CTNNA2: variants seen among roughly 807,000 people sequenced by gnomAD.
The protein encoded by CTNNA2 is catenin alpha-2.
Under a neutral mutation model 101.0 loss-of-function variants are expected in CTNNA2, and 42 were observed. That is an observed-to-expected ratio of 0.42 (90% CI 0.32 to 0.54). The LOEUF is 0.54. Ranked by LOEUF, CTNNA2 falls within the 20% of genes least tolerant of loss-of-function variation. The pLI, the probability that CTNNA2 is intolerant of heterozygous loss-of-function variation, is 0.14. For missense variants in CTNNA2, 871 were observed against 1,223.1 expected (o/e 0.71, Z 4.29); for synonymous variants, 450 against 456.4 (o/e 0.99, Z 0.18).
intron 7 of CTNNA2, among the ~76,000 whole-genome samples, chr2:80,203,238 C>G (rs1477233289): frequency 1.3e-5 from 2 of 152,180 alleles, no homozygotes; most frequent in Non-Finnish European, 2.9e-5. Context: ...CATTTCAACA[C>G]CAACTATGCC....
intron 3 of CTNNA2, chr2:79,339,647 A>T (rs1468702308): frequency 6.6e-6 from 1 of 152,236 alleles, no homozygotes; most frequent in Non-Finnish European, 1.5e-5. Context: ...AGTTTAAGGG[A>T]TGTGTCAAAT....
intron 9 of CTNNA2, among the ~76,000 whole-genome samples, chr2:80,438,557 G>A (rs369746865): frequency 6.6e-6 from 1 of 151,888 alleles, no homozygotes; most frequent in African/African-American, 2.4e-5. Context: ...ATTTTATGAT[G>A]GTCTAGGTCA....
chr2:79,856,468 C>T (rs182718211), intron 3 of CTNNA2, among the ~76,000 whole-genome samples: 1 of 152,162 alleles, frequency 6.6e-6, no homozygotes, highest in Non-Finnish European at 1.5e-5. Flanking sequence ...ATCATTACTA[C>T]AAAAATTGAA....
intron 18 of CTNNA2, among the ~76,000 whole-genome samples, chr2:80,631,361 ATTT>A (rs35491193): frequency 7.4e-5 from 8 of 108,342 alleles, no homozygotes; most frequent in Admixed American, 5.6e-4. Flanking sequence ...GAAACCACTA[ATTT>A]TTTTTTTTTT....
chr2:79,804,908 C>A (rs1479372980), intron 3 of CTNNA2, among the ~76,000 whole-genome samples: 1 of 152,084 alleles, frequency 6.6e-6, no homozygotes, highest in Admixed American at 6.6e-5. Flanking sequence ...TCAGAGAAAT[C>A]TTTTAAGGGG....
At chr2:79,535,627 C>A (rs2103959198) in intron 1 of CTNNA2, among the ~76,000 whole-genome samples, 1 of 152,060 alleles carries the variant, frequency 6.6e-6, no homozygotes, top group Non-Finnish European at 1.5e-5. Context: ...TCCTTACTAT[C>A]CCATTGGATA....
At chr2:79,868,992 G>A (rs1432045219) in intron 4 of CTNNA2, among the ~76,000 whole-genome samples, 6 of 152,146 alleles carry the variant, frequency 3.9e-5, no homozygotes, top group Admixed American at 2.0e-4. Context: ...ATAACTTAAA[G>A]GTTTACCAAT....
chr2:80,153,529 A>G (rs17018713), intron 7 of CTNNA2, among the ~76,000 whole-genome samples: 2,493 of 152,238 alleles, frequency 0.016, 70 homozygotes, highest in African/African-American at 0.054. Flanking sequence ...TCCTGGAAAT[A>G]ATAACCGCCT....
At chr2:79,786,595 TC>T (rs1674869115) in intron 3 of CTNNA2, among the ~76,000 whole-genome samples, 1 of 152,094 alleles carries the variant, frequency 6.6e-6, no homozygotes, top group South Asian at 2.1e-4. Flanking sequence ...TAGTAGACTC[TC>T]CTCAGGTACG....
intron 1 of CTNNA2, among the ~76,000 whole-genome samples, chr2:79,634,170 T>TA (rs1679866625): frequency 1.3e-5 from 2 of 152,174 alleles, no homozygotes; most frequent in Non-Finnish European, 2.9e-5. Flanking sequence ...TTTTCCCACT[T>TA]TGTTGTGCTG....
At chr2:79,186,364 T>C (rs1175130353) in intron 1 of CTNNA2, among the ~76,000 whole-genome samples, 1 of 152,168 alleles carries the variant, frequency 6.6e-6, no homozygotes, top group Non-Finnish European at 1.5e-5. Context: ...GTGACAAGGA[T>C]AAGAAATAAG....
chr2:80,480,213 A>G (rs1407442152), intron 9 of CTNNA2, among the ~76,000 whole-genome samples: 6 of 152,206 alleles, frequency 3.9e-5, no homozygotes, highest in Non-Finnish European at 7.4e-5. Context: ...AATTTTATGC[A>G]TTTTCCTACA....
At chr2:80,080,103 T>C (rs1329663225) in intron 7 of CTNNA2, among the ~76,000 whole-genome samples, 1 of 152,130 alleles carries the variant, frequency 6.6e-6, no homozygotes, top group South Asian at 2.1e-4. Flanking sequence ...GTTCCCCCAG[T>C]GTCCTCCAGG....
intron 3 of CTNNA2, among the ~76,000 whole-genome samples, chr2:79,321,994 T>G (rs1176950450): frequency 6.6e-6 from 1 of 152,230 alleles, no homozygotes; most frequent in Non-Finnish European, 1.5e-5. Flanking sequence ...TTGAAGTCCA[T>G]GCCTTTAGTC....
At chr2:79,279,952 T>TC (rs1309511638) in intron 2 of CTNNA2, among the ~76,000 whole-genome samples, 2 of 152,250 alleles carry the variant, frequency 1.3e-5, no homozygotes, top group Non-Finnish European at 1.5e-5. Context: ...GTTATTATTC[T>TC]CCCTTTTGCT....
intron 7 of CTNNA2, among the ~76,000 whole-genome samples, chr2:80,340,424 C>G (rs1464632897): frequency 6.6e-6 from 1 of 152,032 alleles, no homozygotes; most frequent in East Asian, 1.9e-4. Flanking sequence ...CTGTGAATAC[C>G]CTCTTATAAT....
chr2:80,573,222 A>T (rs531705608), intron 12 of CTNNA2: 1 of 152,322 alleles, frequency 6.6e-6, no homozygotes, highest in Non-Finnish European at 1.5e-5. Flanking sequence ...GAGAAAATTG[A>T]ATTATAATTT....
At chr2:80,104,113 T>A (rs1303011780) in intron 7 of CTNNA2, among the ~76,000 whole-genome samples, 1 of 152,190 alleles carries the variant, frequency 6.6e-6, no homozygotes, top group East Asian at 1.9e-4. Flanking sequence ...AATACTAGAT[T>A]GCCAATCTCT....
chr2:79,743,172 C>T (rs1431253531), intron 2 of CTNNA2, among the ~76,000 whole-genome samples: 3 of 137,194 alleles, frequency 2.2e-5, no homozygotes, highest in East Asian at 2.1e-4. Flanking sequence ...CTTGTGAAGC[C>T]GATAAAAAAA....
Sources: gnomAD v4.1 joint callset for allele counts (sites outside exome capture counted in the v4.1 genomes callset) on GRCh38, gnomAD v4.1.1 for gene constraint, MANE v1.5 for transcripts, NCBI Gene and HGNC (gene_info 2026-07-23, HGNC 2026-07-21) for gene names.